Variants in ZNF71 observed in about 807,000 individuals in gnomAD.
The protein encoded by ZNF71 is zinc finger protein 71, also known as endothelial zinc finger protein induced by tumor necrosis factor alpha.
A neutral mutation model predicts 6.7 loss-of-function variants in ZNF71; 3 were observed. That is an observed-to-expected ratio of 0.45 (90% CI 0.20 to 1.16). ZNF71 has a LOEUF of 1.16. Among genes scored for constraint, ZNF71 ranks in the 50% most tolerant of loss-of-function variants. The pLI is 0.25. For synonymous variants in ZNF71, 343 were observed against 311.1 expected, an observed-to-expected ratio of 1.10 and a Z score of -1.08; for missense variants, 688 against 728.6, an observed-to-expected ratio of 0.94 and a Z score of 0.64.
Position 56,621,745 on chromosome 19 carries a change from C to G in ZNF71, c.638C>G (p.Thr213Arg). The G allele has an allele frequency of 6.2e-7, 1 of 1,613,994 alleles. No individual in the cohort carries two copies. The highest frequency in any genetic ancestry group is 1.3e-5 in the African/African-American group (1 of 75,050). Residue 213 changes from threonine to arginine, a missense_variant, in exon 4 of 4, where the codon ACG becomes AGG. Coordinates refer to ENST00000599599, the MANE Select transcript of ZNF71 (RefSeq NM_001370215.1). ...CTGATAAAGCACCAAAGGATCCACA[C>G]GGGAGAAAAGCCGTTTGAGTGTGAC... ...SSLIKHQRIHTGEKPFECDTC... is the reference protein window; with the variant it reads ...SSLIKHQRIHRGEKPFECDTC...
rs2044879845 is a variant in ZNF71, at chr19:56,623,213, T to G, written c.*456T>G. 5.6e-6 allele frequency: 1 copy of G among 179,330 alleles called. No individual in the cohort carries two copies. Among genetic ancestry groups the G allele is most frequent in the Non-Finnish European group, 1.3e-5 (1 of 75,182 alleles). 11.1% of individuals were successfully genotyped at this position (179,330 alleles called of 1,614,324 possible). A position where few individuals can be genotyped will look rare whatever the true frequency, so the allele number is the denominator to read the frequency against. ...CACCATCTGCATTTTCTCCGTGGGT[T>G]GGGAGCGTGAGGGCCTTCCTATCCC... On this transcript the variant is annotated 3_prime_UTR_variant, in exon 4 of 4. Transcript: ENST00000599599.
intron 3 of ZNF71, among the ~76,000 whole-genome samples, chr19:56,617,794 G>C (rs1000544451): frequency 6.6e-6 from 1 of 152,164 alleles, no homozygotes; most frequent in Admixed American, 6.5e-5. Flanking sequence ...GTTTTAGCCT[G>C]AGAAAGGGAG....
At chr19:56,605,286 A>G (rs2044701521) in intron 2 of ZNF71, among the ~76,000 whole-genome samples, 1 of 151,764 alleles carries the variant, frequency 6.6e-6, no homozygotes, top group African/African-American at 2.4e-5. Context: ...TGTAGGACAC[A>G]ATAGGTCTCT....
chr19:56,615,086 CTG>C (rs1272543015), intron 3 of ZNF71, among the ~76,000 whole-genome samples: 1 of 152,020 alleles, frequency 6.6e-6, no homozygotes, highest in Non-Finnish European at 1.5e-5. Context: ...ATTTTTATCT[CTG>C]TGTATTATTC....
chr19:56,621,202 G>A, intron 3 of ZNF71, 66 bp from the exon 4 acceptor site: 1 of 1,481,800 alleles, frequency 6.7e-7, no homozygotes, highest in Non-Finnish European at 9.0e-7. Flanking sequence ...TTCCTGCTGT[G>A]GAGCTTCCTC....
At chr19:56,608,252 ACT>A (rs2044724480) in intron 2 of ZNF71, among the ~76,000 whole-genome samples, 1 of 151,580 alleles carries the variant, frequency 6.6e-6, no homozygotes, top group South Asian at 2.1e-4. Context: ...TAAAACTGAA[ACT>A]CTGCAGCCAT....
At chr19:56,615,511 A>T in intron 3 of ZNF71, among the ~76,000 whole-genome samples, 1 of 143,434 alleles carries the variant, frequency 7.0e-6, no homozygotes. Context: ...CGCTTATTTG[A>T]TGTTTGTATA....
rs1277508604 is a variant in ZNF71 at position 56,621,967 on chromosome 19, CCT to C, written c.866_867del (p.Leu289HisfsTer312). 6.2e-7 allele frequency: 1 copy of C among 1,605,984 alleles called. No individual in the cohort carries two copies. The highest frequency in any genetic ancestry group is 8.5e-7 in the Non-Finnish European group (1 of 1,178,216). On this transcript the variant is annotated frameshift_variant, in exon 4 of 4. Coordinates refer to ENST00000599599, the MANE Select transcript of ZNF71 (RefSeq NM_001370215.1). LOFTEE classifies it low-confidence loss of function (END_TRUNC). ...TGTGGCAAGGCCTTCCGGAAGACTTCCTCTCTCACCCAGCACGAGCGGATCCA... is the reference window on the plus strand; with the variant it reads ...TGTGGCAAGGCCTTCCGGAAGACTTCCTCTCACCCAGCACGAGCGGATCCA...
Position 56,622,853 on chromosome 19 carries a change from G to T in ZNF71, c.*96G>T. 6.8e-7 allele frequency: 1 copy of T among 1,474,400 alleles called. No homozygotes were observed. 91.3% of individuals were successfully genotyped at this position (1,474,400 alleles called of 1,614,324 possible). On this transcript the variant is annotated 3_prime_UTR_variant, in exon 4 of 4. Coordinates refer to ENST00000599599, the MANE Select transcript of ZNF71 (RefSeq NM_001370215.1). Reference sequence around the variant, plus strand: ...GTGCTGTGAGAAGTTCTCCCCTGGGGTGGGGACTCGGGGTCAGGGGAGCTC... The same window carrying T: ...GTGCTGTGAGAAGTTCTCCCCTGGGTTGGGGACTCGGGGTCAGGGGAGCTC...
chr19:56,602,536 A>G (rs1227552900), intron 2 of ZNF71, among the ~76,000 whole-genome samples: 5 of 152,250 alleles, frequency 3.3e-5, no homozygotes, highest in African/African-American at 1.2e-4. Flanking sequence ...TAAATGACAA[A>G]TGCTATAAAC....
At position 56,622,011 on chromosome 19, in the gene ZNF71, T is replaced by C; in HGVS notation, c.904T>C (p.Tyr302His). 1 of 1,613,200 alleles carries C rather than the reference T, an allele frequency of 6.2e-7. No homozygotes were observed. Among genetic ancestry groups the C allele is most frequent in the South Asian group, 1.1e-5 (1 of 90,986 alleles). ...HERIHTGEKP[Y>H]ACGDCGKAFS... The stretch of plus-strand genomic sequence containing the variant: ...GCGGATCCACACGGGGGAGAAGCCC[T>C]ACGCGTGCGGGGACTGCGGCAAGGC... Residue 302 changes from tyrosine (Y) to histidine (H), a missense_variant, in exon 4 of 4, where the codon TAC (tyrosine) becomes CAC (histidine). Transcript: ENST00000599599.
At chr19:56,602,960 G>A (rs1196603283) in intron 2 of ZNF71, among the ~76,000 whole-genome samples, 2 of 152,092 alleles carry the variant, frequency 1.3e-5, no homozygotes, top group Admixed American at 1.3e-4. Context: ...TTTGTCATTT[G>A]AATGTTAACA....
intron 1 of ZNF71, among the ~76,000 whole-genome samples, chr19:56,599,048 G>C (rs1294712400): frequency 6.6e-6 from 1 of 152,224 alleles, no homozygotes; most frequent in Non-Finnish European, 1.5e-5. Flanking sequence ...AGTGATTCTG[G>C]TACTTTGAGA....
At chr19:56,600,765 G>A (rs2044664549) in intron 1 of ZNF71, among the ~76,000 whole-genome samples, 1 of 152,146 alleles carries the variant, frequency 6.6e-6, no homozygotes, top group Non-Finnish European at 1.5e-5. Context: ...GGCGAGTGAT[G>A]GGTTGCAGGG....
chr19:56,617,939 C>T (rs1282353354), intron 3 of ZNF71, among the ~76,000 whole-genome samples: 1 of 151,804 alleles, frequency 6.6e-6, no homozygotes, highest in Non-Finnish European at 1.5e-5. Flanking sequence ...TAGCTGCCAG[C>T]TCATATTCCA....
intron 2 of ZNF71, among the ~76,000 whole-genome samples, chr19:56,612,888 G>A (rs1787421471): frequency 6.6e-6 from 1 of 152,174 alleles, no homozygotes; most frequent in South Asian, 2.1e-4. Flanking sequence ...GATTTCATCT[G>A]CAGCAGCCCT....
At chr19:56,604,407 G>A (rs2044694035) in intron 2 of ZNF71, among the ~76,000 whole-genome samples, 1 of 152,146 alleles carries the variant, frequency 6.6e-6, no homozygotes, top group African/African-American at 2.4e-5. Flanking sequence ...ATCATATAAG[G>A]ATCTACAGTT....
chr19:56,605,959 A>G (rs962948861), intron 2 of ZNF71, among the ~76,000 whole-genome samples: 2 of 152,184 alleles, frequency 1.3e-5, no homozygotes, highest in African/African-American at 4.8e-5. Context: ...GACTAGGTTT[A>G]AAATGCTGCC....
chr19:56,596,183 T>C (rs2044621573), intron 1 of ZNF71, among the ~76,000 whole-genome samples: 1 of 152,104 alleles, frequency 6.6e-6, no homozygotes, highest in Non-Finnish European at 1.5e-5. Flanking sequence ...GTGTCCACTA[T>C]GTCTGCTCTT....
Sources: gnomAD v4.1 joint callset for allele counts (sites outside exome capture counted in the v4.1 genomes callset) on GRCh38, gnomAD v4.1.1 for gene constraint, MANE v1.5 for transcripts, NCBI Gene and HGNC (gene_info 2026-07-23, HGNC 2026-07-21) for gene names.